Variants in DPP8 observed in about 807,000 individuals in gnomAD.
The protein encoded by DPP8 is DPP VIII.
DPP8 carries 31 observed loss-of-function variants against 107.5 expected under a neutral mutation model. That is an observed-to-expected ratio of 0.29 (90% confidence interval 0.22 to 0.39). The LOEUF is 0.39. Among genes scored for constraint, DPP8 ranks in the 10% least tolerant of loss-of-function variants. The pLI, the probability that DPP8 is intolerant of heterozygous loss-of-function variation, is 1.00. For missense variants in DPP8, 842 were observed against 1,076.1 expected (o/e 0.78, Z 3.04); for synonymous variants, 381 against 356.6 (o/e 1.07, Z -0.77).
At chr15:65,447,501 A>C (rs1415591166) in intron 19 of DPP8, among the ~76,000 whole-genome samples, 1 of 152,236 alleles carries the variant, frequency 6.6e-6, no homozygotes, top group East Asian at 1.9e-4. Context: ...ATTAAGTAGC[A>C]GTAAAAATTA....
chr15:65,483,342 T>C (rs979541895), intron 8 of DPP8, among the ~76,000 whole-genome samples: 66 of 151,832 alleles, frequency 4.3e-4, no homozygotes, highest in Non-Finnish European at 1.8e-4. Context: ...CTGGGCAACA[T>C]AGGGAAATCC....
intron 19 of DPP8, among the ~76,000 whole-genome samples, chr15:65,448,207 A>G (rs892366134): frequency 1.3e-5 from 2 of 152,000 alleles, no homozygotes; most frequent in Non-Finnish European, 2.9e-5. Context: ...AATCATAGTA[A>G]GACTCTATTT....
chr15:65,470,605 CAAAA>C (rs3082806), intron 12 of DPP8, among the ~76,000 whole-genome samples: 3 of 104,884 alleles, frequency 2.9e-5, no homozygotes, highest in Non-Finnish European at 2.0e-5. Flanking sequence ...AGACTTGTCT[CAAAA>C]AAAAAAAAAA....
chr15:65,495,435 C>A (rs545200392), intron 5 of DPP8, among the ~76,000 whole-genome samples: 2 of 152,090 alleles, frequency 1.3e-5, no homozygotes, highest in East Asian at 3.9e-4. Flanking sequence ...GAAACCCCGT[C>A]CCTACTAAAA....
intron 19 of DPP8, 75 bp downstream of exon 19, chr15:65,450,924 C>T (rs1218184760): frequency 1.1e-6 from 1 of 951,004 alleles, no homozygotes; most frequent in African/African-American, 1.6e-5. Context: ...TGGACTTACC[C>T]CACAGCTAAT....
In DPP8 at chr15:65,451,186, T is replaced by C. The variant is rs2063948469; in HGVS notation, c.2415-76A>G. 5.3e-5 allele frequency: 44 copies of C among 830,938 alleles called. No individual in the cohort carries two copies. The South Asian group carries it at 5.8e-4, about 11-fold the overall frequency. The allele number at this position is 830,938 out of a possible 1,614,324, so 51.5% of individuals were successfully genotyped here. A position where few individuals can be genotyped will look rare whatever the true frequency, so the allele number is the denominator to read the frequency against. On this transcript the variant is annotated intron_variant, in intron 18 of 19. Coordinates refer to ENST00000300141, the MANE Select transcript of DPP8 (RefSeq NM_130434.5). The stretch of plus-strand genomic sequence containing the variant: ...GAAAACCATTTCACTTATTTAATCA[T>C]ACTTAACCATATTAACTTCCTTATA...
intron 6 of DPP8, among the ~76,000 whole-genome samples, chr15:65,489,062 T>C (rs550372580): frequency 5.9e-5 from 9 of 151,916 alleles, no homozygotes; most frequent in African/African-American, 4.8e-5. Context: ...CCGGGTTCAA[T>C]TGATTCTTCT....
At chr15:65,509,840 G>T (rs1269065151) in intron 2 of DPP8, among the ~76,000 whole-genome samples, 1 of 152,032 alleles carries the variant, frequency 6.6e-6, no homozygotes, top group Non-Finnish European at 1.5e-5. Context: ...GAGCAACATG[G>T]TGAAACCCAA....
chr15:65,515,897 T>C, intron 1 of DPP8: 1 of 542,910 alleles, frequency 1.8e-6, no homozygotes, highest in East Asian at 2.9e-5. Flanking sequence ...GATACCAAAA[T>C]ATCACTTTTT....
At chr15:65,495,320 G>A (rs969436109) in intron 5 of DPP8, among the ~76,000 whole-genome samples, 11 of 152,102 alleles carry the variant, frequency 7.2e-5, no homozygotes, top group African/African-American at 2.7e-4. Flanking sequence ...AAAACCCTAT[G>A]TCTGGCCAGG....
Position 65,443,765 on chromosome 15 carries a change from G to C in DPP8, c.*3119C>G, listed in dbSNP as rs994512280. 2.0e-5 allele frequency: 3 copies of C among 152,176 alleles called. No individual in the cohort carries two copies. The highest frequency in any genetic ancestry group is 4.8e-5 in the African/African-American group (2 of 41,438). 9.4% of individuals were successfully genotyped at this position (152,176 alleles called of 1,614,324 possible). ...GTTTAGGTTCTTGTGAATCAGTCCA[G>C]TGTAAAAAATCACCTATTATTAATC... On this transcript the variant is annotated 3_prime_UTR_variant, in exon 20 of 20. Transcript: ENST00000300141.
At chr15:65,471,859 T>C (rs2065926797) in intron 12 of DPP8, among the ~76,000 whole-genome samples, 1 of 152,198 alleles carries the variant, frequency 6.6e-6, no homozygotes, top group Non-Finnish European at 1.5e-5. Flanking sequence ...TTAATCACTT[T>C]AGAGACTACA....
chr15:65,478,442 T>C (rs1356661483), intron 11 of DPP8, among the ~76,000 whole-genome samples: 1 of 152,174 alleles, frequency 6.6e-6, no homozygotes, highest in Non-Finnish European at 1.5e-5. Context: ...GTATTTTTAG[T>C]AGAGATGGTG....
At chr15:65,467,380 T>C (rs1051903387) in intron 12 of DPP8, among the ~76,000 whole-genome samples, 157 bp from the exon 13 acceptor site, 4 of 152,136 alleles carry the variant, frequency 2.6e-5, no homozygotes, top group Non-Finnish European at 5.9e-5. Context: ...TAATTTTGCT[T>C]ATTTATTTAT....
intron 5 of DPP8, among the ~76,000 whole-genome samples, chr15:65,492,055 T>C (rs2068090183): frequency 6.6e-6 from 1 of 151,310 alleles, no homozygotes; most frequent in Non-Finnish European, 1.5e-5. Flanking sequence ...GTAAGAATTT[T>C]TGTGGGCCAG....
At chr15:65,474,341 T>C (rs2066190778) in intron 11 of DPP8, 53 bp from the exon 12 acceptor site, 6 of 1,329,540 alleles carry the variant, frequency 4.5e-6, no homozygotes, top group Admixed American at 1.7e-5. Context: ...TATAAGCAAA[T>C]GAAACAATTA....
At chr15:65,515,908 G>T in intron 1 of DPP8, 1 of 539,390 alleles carries the variant, frequency 1.9e-6, no homozygotes, top group Non-Finnish European at 3.3e-6. Flanking sequence ...ATCACTTTTT[G>T]GGGCAATATA....
intron 5 of DPP8, among the ~76,000 whole-genome samples, chr15:65,495,565 T>C (rs1229247471): frequency 6.6e-6 from 1 of 151,948 alleles, no homozygotes; most frequent in Non-Finnish European, 1.5e-5. Context: ...GATAGCCCAC[T>C]GCACTCCAGC....
At chr15:65,459,020 CTTTA>C (rs1332740148) in intron 15 of DPP8, 1 of 142,802 alleles carries the variant, frequency 7.0e-6, no homozygotes, top group African/African-American at 2.6e-5. Context: ...ACACCAGATT[CTTTA>C]TTTTTTTTTT....
Sources: allele counts gnomAD v4.1 joint callset (sites outside exome capture counted in the v4.1 genomes callset), GRCh38; gene constraint gnomAD v4.1.1; transcripts MANE v1.5; gene names NCBI Gene and HGNC (gene_info 2026-07-23, HGNC 2026-07-21).